Variants in PCDHA13 observed in about 807,000 individuals in gnomAD.
PCDHA13 encodes the protein protocadherin alpha-13.
A neutral mutation model predicts 64.8 loss-of-function variants in PCDHA13; 54 were observed. The ratio of observed to expected loss-of-function variants is 0.83; its 90% confidence interval spans 0.67 to 1.04. The LOEUF is 1.04. PCDHA13 is among the 50% of genes least tolerant of loss of function. The pLI, the probability that PCDHA13 is intolerant of heterozygous loss-of-function variation, is 0.00. For missense variants in PCDHA13, 1,248 were observed against 1,254.3 expected (o/e 0.99, Z 0.08); for synonymous variants, 587 against 564.4 (o/e 1.04, Z -0.57).
intron 1 of PCDHA13, among the ~76,000 whole-genome samples, chr5:140,956,087 C>T (rs2095255787): frequency 6.6e-6 from 1 of 152,178 alleles, no homozygotes; most frequent in Admixed American, 6.5e-5. Context: ...ATCATGTCAT[C>T]TGCAAACAAA....
rs117857377 is a variant in PCDHA13, at chr5:140,947,298, A to G, written c.2395-31651A>G. ...TTTTTCTTTTTATTGCATTATCTTG[A>G]CATCTTTGTAAAAAGTCGGTTGACC... On this transcript the variant is annotated intron_variant, in intron 1 of 3. Transcript: ENST00000289272. Among the ~76,000 whole-genome samples, 349 of 151,704 alleles carry G rather than the reference A, an allele frequency of 2.3e-3. 8 individuals carry two copies. In the East Asian group the frequency reaches 0.06, roughly 26 times the overall value.
At chr5:140,996,987 A>G (rs1554255592) in intron 3 of PCDHA13, among the ~76,000 whole-genome samples, 1 of 152,134 alleles carries the variant, frequency 6.6e-6, no homozygotes, top group African/African-American at 2.4e-5. Context: ...TGAAGCAACC[A>G]CTGTTAACAA....
At chr5:140,928,293 G>A (rs782241081) in intron 1 of PCDHA13, 1 of 1,614,150 alleles carries the variant, frequency 6.2e-7, no homozygotes, top group South Asian at 1.1e-5. Flanking sequence ...TAGGCCGAGT[G>A]TTTGCCCAGG....
chr5:140,895,225 G>GT, intron 1 of PCDHA13, among the ~76,000 whole-genome samples: 1 of 152,168 alleles, frequency 6.6e-6, no homozygotes, highest in African/African-American at 2.4e-5. Context: ...ATTTTACTGA[G>GT]TTTTCTCATC....
chr5:140,960,482 G>GTGTA (rs1585840878), intron 1 of PCDHA13, among the ~76,000 whole-genome samples: 1 of 152,150 alleles, frequency 6.6e-6, no homozygotes, highest in Non-Finnish European at 1.5e-5. Context: ...TTACACAGAG[G>GTGTA]TGTAGGTTTG....
At chr5:140,990,662 T>C (rs1554251660) in intron 3 of PCDHA13, among the ~76,000 whole-genome samples, 1 of 152,182 alleles carries the variant, frequency 6.6e-6, no homozygotes, top group African/African-American at 2.4e-5. Context: ...ATGATTTACA[T>C]TAGATGCACA....
intron 1 of PCDHA13, among the ~76,000 whole-genome samples, chr5:140,915,680 A>G (rs2077249777): frequency 6.6e-6 from 1 of 150,862 alleles, no homozygotes; most frequent in South Asian, 2.1e-4. Context: ...ATCTTGAACT[A>G]GGGGTATGGT....
At chr5:140,987,949 A>G (rs1251112253) in intron 3 of PCDHA13, among the ~76,000 whole-genome samples, 1 of 152,162 alleles carries the variant, frequency 6.6e-6, no homozygotes, top group Non-Finnish European at 1.5e-5. Context: ...CTGTCTGACA[A>G]AACCAACTCC....
At chr5:140,945,372 T>C (rs1554216918) in intron 1 of PCDHA13, among the ~76,000 whole-genome samples, 1 of 152,088 alleles carries the variant, frequency 6.6e-6, no homozygotes, top group Non-Finnish European at 1.5e-5. Flanking sequence ...AATGTCCATA[T>C]TACCCAAAGC....
intron 1 of PCDHA13, among the ~76,000 whole-genome samples, chr5:140,917,332 G>C (rs182473611): frequency 8.9e-5 from 13 of 145,644 alleles, no homozygotes; most frequent in East Asian, 6.0e-4. Flanking sequence ...GGCGGGGGAG[G>C]GGGGGGATGG....
intron 1 of PCDHA13, chr5:140,968,434 C>T: frequency 6.8e-6 from 11 of 1,613,948 alleles, no homozygotes; most frequent in Non-Finnish European, 8.5e-6. Flanking sequence ...ACAAGGGGAG[C>T]CCACCACTGA....
intron 1 of PCDHA13, among the ~76,000 whole-genome samples, chr5:140,897,000 T>C (rs2065833068): frequency 6.6e-6 from 1 of 152,180 alleles, no homozygotes; most frequent in Non-Finnish European, 1.5e-5. Context: ...CTTTTAGTTA[T>C]TTTTAAATAT....
chr5:141,006,525 T>G (rs1366958955), intron 3 of PCDHA13, among the ~76,000 whole-genome samples: 1 of 152,108 alleles, frequency 6.6e-6, no homozygotes, highest in African/African-American at 2.4e-5. Context: ...TATACATCAG[T>G]TTTTAAAGAG....
intron 1 of PCDHA13, chr5:140,969,448 G>C (rs781843317): frequency 2.0e-6 from 3 of 1,537,944 alleles, no homozygotes; most frequent in Non-Finnish European, 2.6e-6. Flanking sequence ...CTGGTAAACT[G>C]AGTATATATA....
At position 140,997,438 on chromosome 5, in the gene PCDHA13, A is replaced by G. The variant is rs182158337; in HGVS notation, c.2543-12189A>G. ...CTCCTAGGCTACAAACCTGTATATC[A>G]TGTTACTATACTGAATACTGTAGGC... On this transcript the variant is annotated intron_variant, in intron 3 of 3. Transcript: ENST00000289272. Among the ~76,000 whole-genome samples, 274 of 152,308 alleles carry G rather than the reference A, an allele frequency of 1.8e-3. 2 individuals are homozygous for G. The highest frequency in any genetic ancestry group is 6.0e-3 in the African/African-American group (248 of 41,560).
At chr5:140,937,378 G>A (rs1248709474) in intron 1 of PCDHA13, among the ~76,000 whole-genome samples, 2 of 152,248 alleles carry the variant, frequency 1.3e-5, no homozygotes, top group East Asian at 1.9e-4. Context: ...GTTTATGTGT[G>A]TGTATGTGTA....
intron 1 of PCDHA13, chr5:140,966,770 G>C: frequency 2.0e-6 from 3 of 1,500,088 alleles, no homozygotes; most frequent in Non-Finnish European, 2.7e-6. Flanking sequence ...AGTGGCTATG[G>C]AGCAGGCGGG....
intron 1 of PCDHA13, among the ~76,000 whole-genome samples, chr5:140,977,307 G>A (rs1023836424): frequency 6.6e-6 from 1 of 152,304 alleles, no homozygotes; most frequent in Non-Finnish European, 1.5e-5. Context: ...ACAAGCTAAC[G>A]ATAGTGCTCC....
At chr5:140,885,124 T>C (rs1019759458) in intron 1 of PCDHA13, among the ~76,000 whole-genome samples, 35 of 152,216 alleles carry the variant, frequency 2.3e-4, no homozygotes, top group African/African-American at 8.2e-4. Flanking sequence ...TGCACTTTTC[T>C]TTCTTTCTTT....
Sources: allele counts gnomAD v4.1 joint callset (sites outside exome capture counted in the v4.1 genomes callset), GRCh38; gene constraint gnomAD v4.1.1; transcripts MANE v1.5; gene names NCBI Gene and HGNC (gene_info 2026-07-23, HGNC 2026-07-21).